The following ZNF716 variants were observed in gnomAD, a reference collection of about 807,000 sequenced individuals.
ZNF716 encodes the protein zinc finger protein 716.
ZNF716 carries 9 observed loss-of-function variants against 13.4 expected under a neutral mutation model. The observed-to-expected ratio is 0.67, with a 90% CI of 0.41 to 1.18. The LOEUF (loss-of-function observed/expected upper bound fraction) is 1.18, where lower values mean the gene tolerates loss of function less well. ZNF716 is among the 50% of genes most tolerant of loss of function. ZNF716 has a pLI of 0.01. For synonymous variants in ZNF716, 186 were observed against 195.2 expected, an observed-to-expected ratio of 0.95 and a Z score of 0.39; for missense variants, 581 against 576.6, an observed-to-expected ratio of 1.01 and a Z score of -0.08.
At chr7:57,468,590 A>C in intron 3 of ZNF716, 134 bp from the exon 4 acceptor site, 1 of 886,320 alleles carries the variant, frequency 1.1e-6, no homozygotes, top group Non-Finnish European at 1.7e-6. Flanking sequence ...TACATCTATG[A>C]AGGAATTACG....
chr7:57,459,853 A>G lies in ZNF716; in HGVS notation c.40-2607A>G, dbSNP rs1387831969. On this transcript the variant is annotated intron_variant, in intron 1 of 3. Transcript: ENST00000420713. ...TTATGGAGAAGCTTGTTCTTCTCTCATTGCTCTTAAATCTTTTCAGTTATT... is the reference window on the plus strand; with the variant it reads ...TTATGGAGAAGCTTGTTCTTCTCTCGTTGCTCTTAAATCTTTTCAGTTATT... 2.6e-5 allele frequency among the ~76,000 whole-genome samples: 4 copies of G among 152,070 alleles called. No homozygotes were observed. The East Asian group carries it at 5.8e-4, about 22-fold the overall frequency.
In ZNF716 at chr7:57,463,058, T is replaced by G; in HGVS notation, c.167-15T>G. 6.2e-7 allele frequency: 1 copy of G among 1,606,882 alleles called. No individual in the cohort carries two copies. The highest frequency in any genetic ancestry group is 1.1e-5 in the South Asian group (1 of 90,398). ...CAGCCAGATTTATGTTACTTTTTTT[T>G]CCTTAATAAAACAGGTATTGCTGTC... is the stretch of plus-strand genomic sequence containing the variant. On this transcript the variant is annotated splice_polypyrimidine_tract_variant and intron_variant, in intron 2 of 3. Coordinates refer to ENST00000420713, the MANE Select transcript of ZNF716 (RefSeq NM_001159279.1).
At chr7:57,460,957 G>A (rs1283657056) in intron 1 of ZNF716, among the ~76,000 whole-genome samples, 1 of 135,592 alleles carries the variant, frequency 7.4e-6, no homozygotes, top group Non-Finnish European at 1.6e-5. Context: ...CAACTTTGCA[G>A]AAAACTGATT....
At position 57,469,279 on chromosome 7, in the gene ZNF716, A is replaced by C. The variant is rs1221319359; in HGVS notation, c.818A>C (p.Glu273Ala). 1 of 1,591,052 alleles carries C rather than the reference A, an allele frequency of 6.3e-7. No individual in the cohort carries two copies. Among genetic ancestry groups the C allele is most frequent in the Non-Finnish European group, 8.6e-7 (1 of 1,166,904 alleles). ...GGAGAGAAACCTTACACATGTGAAG[A>C]ACGTGGCAAAGTCTTTAGCCGCTCA... ...HTGEKPYTCE[E>A]RGKVFSRSTL... Residue 273 changes from glutamate to alanine, a missense_variant, in exon 4 of 4, where the codon GAA (glutamate) becomes GCA (alanine). Physicochemically the swap from Glu to Ala is moderately radical, Grantham distance 107. Transcript: ENST00000420713.
rs576240020 is a variant in ZNF716, at chr7:57,470,658, C to G, written c.*709C>G. The stretch of plus-strand genomic sequence containing the variant: ...TATGGAAATGTCTTTTAAAAGTCCT[C>G]AAACTTTTTGTTTGAATAAATGTAA... On this transcript the variant is annotated 3_prime_UTR_variant, in exon 4 of 4. Coordinates refer to ENST00000420713, the MANE Select transcript of ZNF716 (RefSeq NM_001159279.1). 3.3e-5 allele frequency: 5 copies of G among 151,586 alleles called. No homozygotes were observed. The highest frequency in any genetic ancestry group is 1.2e-4 in the African/African-American group (5 of 41,232). 9.4% of individuals were successfully genotyped at this position (151,586 alleles called of 1,614,324 possible).
At chr7:57,460,353 C>T (rs1225479226) in intron 1 of ZNF716, among the ~76,000 whole-genome samples, 1 of 145,324 alleles carries the variant, frequency 6.9e-6, no homozygotes, top group African/African-American at 2.6e-5. Flanking sequence ...TGAGATTGCA[C>T]CACCGCACTC....
chr7:57,469,968 T>G lies in ZNF716; in HGVS notation c.*19T>G. 6.6e-7 allele frequency: 1 copy of G among 1,509,220 alleles called. No homozygotes were observed. Among genetic ancestry groups the G allele is most frequent in the Non-Finnish European group, 8.8e-7 (1 of 1,131,548 alleles). 93.5% of individuals were successfully genotyped at this position (1,509,220 alleles called of 1,614,324 possible). ...TGAATAATGTGGTAAAGTCCAGCCC[T>G]CAGGCCTTATAATACATAAAATAAT... On this transcript the variant is annotated 3_prime_UTR_variant, in exon 4 of 4. Coordinates refer to ENST00000420713, the MANE Select transcript of ZNF716 (RefSeq NM_001159279.1).
intron 1 of ZNF716, among the ~76,000 whole-genome samples, chr7:57,456,596 A>G (rs1554322180): frequency 6.6e-6 from 1 of 152,098 alleles, no homozygotes; most frequent in Non-Finnish European, 1.5e-5. Context: ...TTAGCCGAGC[A>G]TGGTGACGGG....
chr7:57,468,179 C>G (rs1789848590), intron 3 of ZNF716, among the ~76,000 whole-genome samples: 1 of 152,132 alleles, frequency 6.6e-6, no homozygotes, highest in Non-Finnish European at 1.5e-5. Flanking sequence ...TTCCTCTTAG[C>G]AGTCAGTAAC....
chr7:57,470,174 A>G lies in ZNF716; in HGVS notation c.*225A>G, dbSNP rs1451593331. On this transcript the variant is annotated 3_prime_UTR_variant, in exon 4 of 4. Coordinates refer to ENST00000420713, the MANE Select transcript of ZNF716 (RefSeq NM_001159279.1). The stretch of plus-strand genomic sequence containing the variant: ...GAACCCAAGAGAATTTATTTAAAAA[A>G]ATTTTTTTGAGACAGAGTCTCACTT... 1 of 408,622 alleles carries G rather than the reference A, an allele frequency of 2.4e-6. No homozygotes were observed. Among genetic ancestry groups the G allele is most frequent in the Non-Finnish European group, 4.1e-6 (1 of 246,794 alleles). The allele number at this position is 408,622 out of a possible 1,614,324, so 25.3% of individuals were successfully genotyped here.
At chr7:57,465,424 C>A (rs1789788294) in intron 3 of ZNF716, among the ~76,000 whole-genome samples, 2 of 152,084 alleles carry the variant, frequency 1.3e-5, no homozygotes, top group Admixed American at 1.3e-4. Context: ...ACAATCTTGG[C>A]TCACCGCAGC....
chr7:57,467,416 G>A lies in ZNF716; in HGVS notation c.263-1308G>A, dbSNP rs149940849. Reference sequence around the variant, plus strand: ...TTTAGGGCACATGCAGTGCTTATATGCTTTTCCAGCATTGGTTTATTCTGG... The same window carrying A: ...TTTAGGGCACATGCAGTGCTTATATACTTTTCCAGCATTGGTTTATTCTGG... On this transcript the variant is annotated intron_variant, in intron 3 of 3. Transcript: ENST00000420713. Among the ~76,000 whole-genome samples the A allele has an allele frequency of 3.2e-3, 486 of 152,094 alleles. 3 individuals are homozygous for A. Among genetic ancestry groups the A allele is most frequent in the African/African-American group, 0.011 (460 of 41,486 alleles).
At chr7:57,461,768 A>G (rs1307906286) in intron 1 of ZNF716, among the ~76,000 whole-genome samples, 2 of 152,200 alleles carry the variant, frequency 1.3e-5, no homozygotes, top group African/African-American at 4.8e-5. Flanking sequence ...TTTATTGCAC[A>G]TATTAAGACT....
chr7:57,465,319 G>A (rs187833858), intron 3 of ZNF716, among the ~76,000 whole-genome samples: 47 of 151,880 alleles, frequency 3.1e-4, no homozygotes, highest in Admixed American at 2.5e-3. Flanking sequence ...TTCAGTTTTG[G>A]TTAGAAAACA....
At chr7:57,468,461 G>C (rs1290111503) in intron 3 of ZNF716, among the ~76,000 whole-genome samples, 4 of 152,134 alleles carry the variant, frequency 2.6e-5, no homozygotes, top group Non-Finnish European at 4.4e-5. Context: ...GGTAAATGTA[G>C]CAGACTTTTC....
In ZNF716 at chr7:57,462,499, C is replaced by G. The variant is rs1789726454; in HGVS notation, c.79C>G (p.Leu27Val). 3 of 1,613,890 alleles carry G rather than the reference C, an allele frequency of 1.9e-6. No individual in the cohort carries two copies. The highest frequency in any genetic ancestry group is 2.5e-6 in the Non-Finnish European group (3 of 1,179,966). ...CAGAGACATAGCTATAGAATTTTCT[C>G]TGGCGGAATGGCAATGCCTGGATCA... Reference protein sequence around the residue: ...TFRDIAIEFSLAEWQCLDHAQ... With the variant: ...TFRDIAIEFSVAEWQCLDHAQ... Residue 27 changes from leucine to valine, a missense_variant, in exon 2 of 4, where the codon CTG becomes GTG. Physicochemically the swap from Leu to Val is conservative, Grantham distance 32 (BLOSUM62 1). Transcript: ENST00000420713.
In ZNF716 at chr7:57,470,545, A is replaced by C. The variant is rs1478636569; in HGVS notation, c.*596A>C. On this transcript the variant is annotated 3_prime_UTR_variant, in exon 4 of 4. Coordinates refer to ENST00000420713, the MANE Select transcript of ZNF716 (RefSeq NM_001159279.1). ...TTCATTCTAGAGACAAACCCTACAA[A>C]AACAATGTGGTAAAGCTTTTACCTA... 6.5e-6 allele frequency: 1 copy of C among 152,830 alleles called. No individual in the cohort carries two copies. The highest frequency in any genetic ancestry group is 1.9e-4 in the East Asian group (1 of 5,202). 9.5% of individuals were successfully genotyped at this position (152,830 alleles called of 1,614,324 possible). A position where few individuals can be genotyped will look rare whatever the true frequency, so the allele number is the denominator to read the frequency against.
chr7:57,463,921 C>CA (rs1789755967), intron 3 of ZNF716, among the ~76,000 whole-genome samples: 1 of 151,944 alleles, frequency 6.6e-6, no homozygotes, highest in Non-Finnish European at 1.5e-5. Context: ...TTTACATCAT[C>CA]AACATAGTTT....
At chr7:57,462,251 T>C (rs1325849472) in intron 1 of ZNF716, 1 of 604,680 alleles carries the variant, frequency 1.7e-6, no homozygotes, top group African/African-American at 1.9e-5. Flanking sequence ...GTATTGTGGA[T>C]CTTATGCTAT....
Sources: gnomAD v4.1 joint callset for allele counts (sites outside exome capture counted in the v4.1 genomes callset) on GRCh38, gnomAD v4.1.1 for gene constraint, MANE v1.5 for transcripts, NCBI Gene and HGNC (gene_info 2026-07-23, HGNC 2026-07-21) for gene names.